Variants in VAV3 observed in about 807,000 individuals in gnomAD.
VAV3 encodes the protein vav guanine nucleotide exchange factor 3, also known as guanine nucleotide exchange factor VAV3.
Under a neutral mutation model 131.2 loss-of-function variants are expected in VAV3, and 94 were observed. The ratio of observed to expected loss-of-function variants is 0.72; its 90% CI spans 0.61 to 0.85. The LOEUF (loss-of-function observed/expected upper bound fraction) is 0.85, where lower values mean the gene tolerates loss of function less well. Ranked by LOEUF, VAV3 falls within the 40% of genes least tolerant of loss-of-function variation. VAV3 has a pLI of 0.00. For synonymous variants in VAV3, 349 were observed against 342.0 expected (o/e 1.02, Z -0.22); for missense variants, 939 against 1,002.7 (o/e 0.94, Z 0.86).
chr1:107,912,246 T>C (rs1672404500), intron 1 of VAV3, among the ~76,000 whole-genome samples: 1 of 152,216 alleles, frequency 6.6e-6, no homozygotes, highest in Non-Finnish European at 1.5e-5. Context: ...AAAGAGAATC[T>C]ATCAGTTAAA....
chr1:107,842,022 C>T (rs79146378), intron 2 of VAV3, among the ~76,000 whole-genome samples: 3,736 of 152,222 alleles, frequency 0.025, 95 homozygotes, highest in African/African-American at 0.061. Flanking sequence ...TCTAGTTTCA[C>T]TACCTAGTAA....
chr1:107,661,017 T>C (rs938788321), intron 19 of VAV3, among the ~76,000 whole-genome samples: 4 of 151,974 alleles, frequency 2.6e-5, no homozygotes, highest in Non-Finnish European at 5.9e-5. Context: ...TATATCTATA[T>C]ACACACACAC....
At chr1:107,582,899 A>G (rs1650176340) in intron 25 of VAV3, among the ~76,000 whole-genome samples, 2 of 152,124 alleles carry the variant, frequency 1.3e-5, no homozygotes, top group African/African-American at 4.8e-5. Context: ...TTATAGCAGC[A>G]TGATTTATAG....
intron 19 of VAV3, among the ~76,000 whole-genome samples, chr1:107,661,182 C>T (rs1422273336): frequency 6.6e-6 from 1 of 152,102 alleles, no homozygotes; most frequent in Admixed American, 6.5e-5. Flanking sequence ...AAAGTTTCTG[C>T]CCCAGGGTAG....
rs2101913707 is a variant in VAV3 at position 107,719,829 on chromosome 1, A to T, written c.1503-14768T>A. The stretch of plus-strand genomic sequence containing the variant: ...CAACCCAAATGTCCAACAATGATAG[A>T]CTGGATTAAGAAAATGTGGCACATA... On this transcript the variant is annotated intron_variant, in intron 15 of 26. Coordinates refer to ENST00000370056, the MANE Select transcript of VAV3 (RefSeq NM_006113.5). 1.3e-5 allele frequency among the ~76,000 whole-genome samples: 2 copies of T among 152,360 alleles called. 1 individual carries two copies. Among genetic ancestry groups the T allele is most frequent in the South Asian group, 4.1e-4 (2 of 4,828 alleles).
rs148123235 is a variant in VAV3, at chr1:107,814,175, T to C, written c.322-34683A>G. 3.0e-3 allele frequency among the ~76,000 whole-genome samples: 462 copies of C among 152,276 alleles called. 5 individuals are homozygous for C. The highest frequency in any genetic ancestry group is 0.011 in the African/African-American group (440 of 41,548). On this transcript the variant is annotated intron_variant, in intron 2 of 26. Transcript: ENST00000370056. ...TTCCTTTGAATAAATACCCAGTCAG[T>C]AGCGAAAACTGCTGGATCACACAAT...
Position 107,611,312 on chromosome 1 carries a change from AT to A in VAV3, c.1981-1348del, listed in dbSNP as rs1352030038. Among the ~76,000 whole-genome samples the A allele has an allele frequency of 5.9e-5, 9 of 152,278 alleles. No individual in the cohort carries two copies. In the East Asian group the frequency reaches 1.7e-3, roughly 29 times the overall value. ...TTTCTTTGATTATTAATATTCAAATATTTTTATCCTATGGATTACATTTTTA... is the reference window on the plus strand; with the variant it reads ...TTTCTTTGATTATTAATATTCAAATATTTTATCCTATGGATTACATTTTTA... On this transcript the variant is annotated intron_variant, in intron 21 of 26. Transcript: ENST00000370056.
intron 12 of VAV3, among the ~76,000 whole-genome samples, chr1:107,752,868 A>G (rs956248670): frequency 1.3e-5 from 2 of 152,316 alleles, no homozygotes; most frequent in Admixed American, 1.3e-4. Flanking sequence ...TAAGTGGGGC[A>G]GCTGCTGTGG....
intron 19 of VAV3, among the ~76,000 whole-genome samples, chr1:107,657,669 T>C (rs563672790): frequency 3.9e-5 from 6 of 152,234 alleles, no homozygotes; most frequent in Non-Finnish European, 5.9e-5. Flanking sequence ...ACAGCTACCA[T>C]AGGGAGAGCA....
Position 107,806,258 on chromosome 1 carries a change from GAAACC to G in VAV3, c.322-26771_322-26767del, listed in dbSNP as rs543705300. Among the ~76,000 whole-genome samples the G allele has an allele frequency of 1.6e-4, 24 of 152,270 alleles. 1 individual carries two copies. In the South Asian group the frequency reaches 5.0e-3, roughly 32 times the overall value. ...CTCAATCTCACTTTTTCCAGTGTTA[GAAACC>G]ATGAGTTGTGGAACATTTTCCATGT... On this transcript the variant is annotated intron_variant, in intron 2 of 26. Transcript: ENST00000370056.
chr1:107,710,939 A>G (rs1660748375), intron 15 of VAV3, among the ~76,000 whole-genome samples: 1 of 152,180 alleles, frequency 6.6e-6, no homozygotes, highest in Admixed American at 6.5e-5. Flanking sequence ...TATGATAAAG[A>G]ATATCAAACT....
At chr1:107,859,928 T>C (rs977206247) in intron 2 of VAV3, among the ~76,000 whole-genome samples, 1 of 152,164 alleles carries the variant, frequency 6.6e-6, no homozygotes, top group Non-Finnish European at 1.5e-5. Context: ...AGGGAAGTAT[T>C]ATTCACTTTG....
chr1:107,779,607 G>A (rs1308305501), intron 2 of VAV3, 115 bp from the exon 3 acceptor site: 1 of 665,212 alleles, frequency 1.5e-6, no homozygotes, highest in Non-Finnish European at 2.3e-6. Flanking sequence ...AAATTTGCAG[G>A]TGTCAAAGAT....
intron 20 of VAV3, among the ~76,000 whole-genome samples, chr1:107,633,789 G>T (rs1654696003): frequency 6.6e-6 from 1 of 152,130 alleles, no homozygotes; most frequent in Admixed American, 6.6e-5. Context: ...TCACCATGCT[G>T]TGAGGAAGAT....
chr1:107,588,871 A>T (rs1650716906), intron 25 of VAV3, among the ~76,000 whole-genome samples: 1 of 152,226 alleles, frequency 6.6e-6, no homozygotes, highest in Non-Finnish European at 1.5e-5. Flanking sequence ...TTCCATATAA[A>T]ATATTTAATA....
Position 107,632,908 on chromosome 1 carries a change from AGT to A in VAV3, c.1914+9709_1914+9710del, listed in dbSNP as rs1323616581. 3.3e-5 allele frequency among the ~76,000 whole-genome samples: 5 copies of A among 152,316 alleles called. No homozygotes were observed. The East Asian group carries it at 9.6e-4, about 29-fold the overall frequency. On this transcript the variant is annotated intron_variant, in intron 20 of 26. Transcript: ENST00000370056. ...TCTCATTTCTCCTATGATTCTCCTA[AGT>A]GTCTCCAAAACCATTCTAATACTAT...
At chr1:107,837,455 T>C (rs1446651005) in intron 2 of VAV3, among the ~76,000 whole-genome samples, 2 of 152,128 alleles carry the variant, frequency 1.3e-5, no homozygotes, top group Non-Finnish European at 1.5e-5. Context: ...AAAATGGCCA[T>C]ACTGTCCAAA....
At chr1:107,614,822 TC>T (rs987915720) in intron 21 of VAV3, among the ~76,000 whole-genome samples, 2 of 152,142 alleles carry the variant, frequency 1.3e-5, no homozygotes, top group African/African-American at 4.8e-5. Context: ...CAAGTGCTCA[TC>T]TTTATGCCTT....
intron 1 of VAV3, among the ~76,000 whole-genome samples, chr1:107,888,220 A>G (rs1051933827): frequency 6.6e-6 from 1 of 152,192 alleles, no homozygotes; most frequent in African/African-American, 2.4e-5. Context: ...TGCAACTAAA[A>G]ACAAAGTGCA....
Sources: gnomAD v4.1 joint callset for allele counts (sites outside exome capture counted in the v4.1 genomes callset) on GRCh38, gnomAD v4.1.1 for gene constraint, MANE v1.5 for transcripts, NCBI Gene and HGNC (gene_info 2026-07-23, HGNC 2026-07-21) for gene names.